Variants in HMGB1 observed in about 807,000 individuals in gnomAD.
HMGB1 encodes the protein high mobility group protein B1.
For missense variants in HMGB1, 79 were observed against 253.5 expected (o/e 0.31, Z 4.67); for synonymous variants, 81 against 84.0 (o/e 0.96, Z 0.19).
chr13:30,526,850 C>A (rs1013377834), intron 1 of HMGB1, among the ~76,000 whole-genome samples: 22 of 152,248 alleles, frequency 1.4e-4, no homozygotes, highest in Non-Finnish European at 2.8e-4. Flanking sequence ...TGCTGTTATC[C>A]ACAAGTGTTC....
At chr13:30,564,756 G>C (rs1028277610) in intron 1 of HMGB1, among the ~76,000 whole-genome samples, 6 of 152,174 alleles carry the variant, frequency 3.9e-5, no homozygotes, top group Non-Finnish European at 2.9e-5. Flanking sequence ...TTAACCTCAT[G>C]ATATAAACAA....
intron 1 of HMGB1, among the ~76,000 whole-genome samples, chr13:30,557,372 A>C (rs1869735627): frequency 6.6e-6 from 1 of 152,224 alleles, no homozygotes; most frequent in Non-Finnish European, 1.5e-5. Context: ...CCAGAGCTAA[A>C]AAGAATGCCT....
At chr13:30,533,155 AGCAGTGG>A (rs1888535258) in intron 1 of HMGB1, among the ~76,000 whole-genome samples, 1 of 152,174 alleles carries the variant, frequency 6.6e-6, no homozygotes, top group Non-Finnish European at 1.5e-5. Context: ...AGGATTCAGC[AGCAGTGG>A]GCAGTGGGGC....
chr13:30,496,210 T>C (rs977488040), intron 1 of HMGB1, among the ~76,000 whole-genome samples: 1 of 152,228 alleles, frequency 6.6e-6, no homozygotes, highest in Non-Finnish European at 1.5e-5. Flanking sequence ...AGCATTTTTT[T>C]CCTTAGCAAT....
At chr13:30,462,127 G>C (rs546177879) in intron 4 of HMGB1, among the ~76,000 whole-genome samples, 5 of 152,160 alleles carry the variant, frequency 3.3e-5, no homozygotes, top group Non-Finnish European at 5.9e-5. Flanking sequence ...ACTTAGTGAT[G>C]CTGTGGTTTT....
chr13:30,474,072 T>C (rs1447635339), intron 1 of HMGB1, among the ~76,000 whole-genome samples: 4 of 152,182 alleles, frequency 2.6e-5, no homozygotes, highest in South Asian at 2.1e-4. Flanking sequence ...CTAATGGGTA[T>C]GGAGTTTCTT....
rs970600735 is a variant in HMGB1 at position 30,459,179 on chromosome 13, T to C, written c.*2178A>G. 1.4e-5 allele frequency: 2 copies of C among 141,376 alleles called. No individual in the cohort carries two copies. Among genetic ancestry groups the C allele is most frequent in the South Asian group, 4.3e-4 (2 of 4,674 alleles). 8.8% of individuals were successfully genotyped at this position (141,376 alleles called of 1,614,324 possible). On this transcript the variant is annotated 3_prime_UTR_variant, in exon 5 of 5. Coordinates refer to ENST00000341423, the MANE Select transcript of HMGB1 (RefSeq NM_002128.7). ...CTTCAGTTACAAGGCTTTACACTTA[T>C]CTAAATTGCCTCCCACTTCCATTTA...
chr13:30,508,086 T>A (rs561059656), intron 1 of HMGB1, among the ~76,000 whole-genome samples: 1 of 152,298 alleles, frequency 6.6e-6, no homozygotes, highest in South Asian at 2.1e-4. Flanking sequence ...TCATACTGGA[T>A]GAAAAATTAA....
At chr13:30,546,796 T>C (rs1308205655) in intron 1 of HMGB1, among the ~76,000 whole-genome samples, 2 of 152,252 alleles carry the variant, frequency 1.3e-5, no homozygotes, top group East Asian at 3.8e-4. Context: ...AGTTTAATTA[T>C]TCTTTATACA....
At chr13:30,463,399 T>A (rs908220823) in intron 2 of HMGB1, 47 bp from the exon 3 acceptor site, 7 of 1,558,422 alleles carry the variant, frequency 4.5e-6, no homozygotes, top group Non-Finnish European at 6.1e-6. Context: ...TTTAAGTAAA[T>A]TATCCTCAAA....
rs1441360235 is a variant in HMGB1, at chr13:30,457,776, C to G, written c.*3581G>C. The stretch of plus-strand genomic sequence containing the variant: ...AAACAAGCAATTCTATAACAGAGCA[C>G]TATTTTGCCTCATTACTCTGGGAGC... On this transcript the variant is annotated 3_prime_UTR_variant, in exon 5 of 5. Transcript: ENST00000341423. The G allele has an allele frequency of 6.6e-6, 1 of 152,142 alleles. No individual in the cohort carries two copies. Among genetic ancestry groups the G allele is most frequent in the African/African-American group, 2.4e-5 (1 of 41,416 alleles). The allele number at this position is 152,142 out of a possible 1,614,324, so 9.4% of individuals were successfully genotyped here.
In HMGB1 at chr13:30,460,117, G is replaced by A. The variant is rs1593251028; in HGVS notation, c.*1240C>T. ...GCAGATAAACATGACTAATGAATGAGTTTGTTTTGTAAAGAAAAATCATTC... is the reference window on the plus strand; with the variant it reads ...GCAGATAAACATGACTAATGAATGAATTTGTTTTGTAAAGAAAAATCATTC... On this transcript the variant is annotated 3_prime_UTR_variant, in exon 5 of 5. Transcript: ENST00000341423. The A allele has an allele frequency of 6.6e-6, 1 of 152,284 alleles. No individual in the cohort carries two copies. The highest frequency in any genetic ancestry group is 6.6e-5 in the Admixed American group (1 of 15,228). The allele number at this position is 152,284 out of a possible 1,614,324, so 9.4% of individuals were successfully genotyped here.
Position 30,558,160 on chromosome 13 carries a change from T to C in HMGB1, c.-15+58511A>G, listed in dbSNP as rs192075361. Among the ~76,000 whole-genome samples, 4 of 152,334 alleles carry C rather than the reference T, an allele frequency of 2.6e-5. No homozygotes were observed. The East Asian group carries it at 7.7e-4, about 29-fold the overall frequency. The stretch of plus-strand genomic sequence containing the variant: ...TGCTTCTTGTGTTTCCCTTGGAGCC[T>C]TCCCAGGCAAATATGGATCAGAAAG... On this transcript the variant is annotated intron_variant, in intron 1 of 4. Coordinates refer to the HMGB1 transcript ENST00000405805.
chr13:30,464,267 C>A (rs1886563178), intron 1 of HMGB1: 1 of 985,438 alleles, frequency 1.0e-6, no homozygotes. Context: ...GGTGGCGGTG[C>A]CACCGCGAGG....
chr13:30,607,721 C>T (rs1398145438), intron 1 of HMGB1, among the ~76,000 whole-genome samples: 1 of 152,034 alleles, frequency 6.6e-6, no homozygotes, highest in African/African-American at 2.4e-5. Flanking sequence ...ATTACTGATA[C>T]AGAAATAGAG....
In HMGB1 at chr13:30,465,878, A is replaced by G; in HGVS notation, c.-97T>C. ...GTCTCTATGGAGCTCAATGTACTGC[A>G]ATGGCTGTGAGAGCGGGAGCCAGAC... is the stretch of plus-strand genomic sequence containing the variant. On this transcript the variant is annotated 5_prime_UTR_variant, in exon 1 of 5. Transcript: ENST00000341423. 1.0e-6 allele frequency: 1 copy of G among 985,754 alleles called. No homozygotes were observed. Among genetic ancestry groups the G allele is most frequent in the Non-Finnish European group, 1.2e-6 (1 of 829,862 alleles). 61.1% of individuals were successfully genotyped at this position (985,754 alleles called of 1,614,324 possible).
At chr13:30,490,299 A>G (rs957709505) in intron 1 of HMGB1, among the ~76,000 whole-genome samples, 1 of 152,172 alleles carries the variant, frequency 6.6e-6, no homozygotes, top group Non-Finnish European at 1.5e-5. Context: ...ACAAAGAGTC[A>G]TATGAGATAA....
intron 1 of HMGB1, among the ~76,000 whole-genome samples, chr13:30,615,364 T>C (rs1045638541): frequency 2.6e-5 from 4 of 152,200 alleles, no homozygotes; most frequent in Admixed American, 6.5e-5. Context: ...GAAATAAGAA[T>C]TTCATACAAT....
At chr13:30,502,596 T>C (rs1887757179) in intron 1 of HMGB1, among the ~76,000 whole-genome samples, 1 of 152,214 alleles carries the variant, frequency 6.6e-6, no homozygotes, top group African/African-American at 2.4e-5. Flanking sequence ...TTTACTGTAT[T>C]TGCAGTGTTG....
Sources: gnomAD v4.1 joint callset for allele counts (sites outside exome capture counted in the v4.1 genomes callset) on GRCh38, gnomAD v4.1.1 for gene constraint, MANE v1.5 for transcripts, NCBI Gene and HGNC (gene_info 2026-07-23, HGNC 2026-07-21) for gene names.